The following TFEB variants were observed in gnomAD, a reference collection of about 807,000 sequenced individuals.
TFEB encodes the protein transcription factor EB, also known as T-cell transcription factor EB.
In TFEB, 12 loss-of-function variants were observed where a neutral mutation model predicts 48.0. That is an observed-to-expected ratio of 0.25 (90% CI 0.16 to 0.40). The LOEUF (loss-of-function observed/expected upper bound fraction) is 0.40. Ranked by LOEUF, TFEB falls within the 10% of genes least tolerant of loss-of-function variation. The probability of loss-of-function intolerance (pLI) is 1.00; values close to 1 mark genes in which losing one functional copy is unlikely to be tolerated. For missense variants in TFEB, 509 were observed against 640.3 expected (o/e 0.79, Z 2.21); for synonymous variants, 244 against 261.4 (o/e 0.93, Z 0.64).
chr6:41,715,218 G>A lies in TFEB; in HGVS notation c.-23+20132C>T, dbSNP rs112614223. 4.6e-4 allele frequency among the ~76,000 whole-genome samples: 70 copies of A among 152,240 alleles called. 3 individuals are homozygous for A. Among genetic ancestry groups the A allele is most frequent in the African/African-American group, 1.6e-3 (66 of 41,524 alleles). Reference sequence around the variant, plus strand: ...CTCTCCATGTTGCGGAAGTCTGGAGGAAGCAGGGAGTATGTGCGGACCACA... The same window carrying A: ...CTCTCCATGTTGCGGAAGTCTGGAGAAAGCAGGGAGTATGTGCGGACCACA... On this transcript the variant is annotated intron_variant, in intron 1 of 8. Coordinates refer to ENST00000373033, the MANE Select transcript of TFEB (RefSeq NM_001271944.2).
intron 1 of TFEB, chr6:41,733,845 T>G: frequency 2.0e-6 from 2 of 985,508 alleles, no homozygotes; most frequent in Non-Finnish European, 2.4e-6. Flanking sequence ...ACCGAGCGCA[T>G]CCGCATCTGT....
At chr6:41,717,431 T>C (rs1042228604) in intron 1 of TFEB, among the ~76,000 whole-genome samples, 7 of 152,206 alleles carry the variant, frequency 4.6e-5, no homozygotes, top group African/African-American at 1.7e-4. Flanking sequence ...AGCACGTTCA[T>C]GTATGATATC....
chr6:41,727,066 G>A (rs989967375), intron 1 of TFEB, among the ~76,000 whole-genome samples: 4 of 152,042 alleles, frequency 2.6e-5, no homozygotes, highest in Non-Finnish European at 4.4e-5. Flanking sequence ...CCGCCACCCC[G>A]CCCAGGATGT....
chr6:41,731,851 G>T (rs1254113369), intron 1 of TFEB, among the ~76,000 whole-genome samples: 1 of 152,124 alleles, frequency 6.6e-6, no homozygotes, highest in Non-Finnish European at 1.5e-5. Flanking sequence ...TCCCTTCCTG[G>T]GTGTCTGGGG....
At chr6:41,698,066 A>C (rs1769702986) in intron 1 of TFEB, among the ~76,000 whole-genome samples, 1 of 152,258 alleles carries the variant, frequency 6.6e-6, no homozygotes, top group South Asian at 2.1e-4. Context: ...GCTAACAGCT[A>C]ATGCTCATAG....
At chr6:41,709,406 C>T (rs1322695200) in intron 1 of TFEB, among the ~76,000 whole-genome samples, 1 of 152,166 alleles carries the variant, frequency 6.6e-6, no homozygotes, top group African/African-American at 2.4e-5. Context: ...TAATGCAGTA[C>T]CTGGCACAGG....
chr6:41,684,504 C>G lies in TFEB; in HGVS notation c.*95G>C. 1 of 1,422,198 alleles carries G rather than the reference C, an allele frequency of 7.0e-7. No individual in the cohort carries two copies. Among genetic ancestry groups the G allele is most frequent in the Non-Finnish European group, 9.2e-7 (1 of 1,082,868 alleles). The allele number at this position is 1,422,198 out of a possible 1,614,324, so 88.1% of individuals were successfully genotyped here. On this transcript the variant is annotated 3_prime_UTR_variant, in exon 9 of 9. Transcript: ENST00000373033. ...AGGGAGGCAGGGCAGGTGGCTACTT[C>G]ACACACAGTGCAGCCTGAAGGGTGG...
Position 41,684,607 on chromosome 6 carries a change from C to T in TFEB, c.1423G>A (p.Val475Met), listed in dbSNP as rs1768887691. ...CACAGGGGCAGCCAGGGTCACAGCA[C>T]ATCGCCCTCCTCCATGCTGAAGCTG... The part of the protein sequence containing the change: ...RSSFSMEEGD[V>M]L Residue 475 changes from valine (V) to methionine (M), a missense_variant, in exon 9 of 9, where the codon GTG becomes ATG. Physicochemically the swap from Val to Met is conservative, Grantham distance 21. Coordinates refer to ENST00000373033, the MANE Select transcript of TFEB (RefSeq NM_001271944.2). 6.3e-7 allele frequency: 1 copy of T among 1,581,528 alleles called. No homozygotes were observed. The highest frequency in any genetic ancestry group is 8.6e-7 in the Non-Finnish European group (1 of 1,164,406).
intron 6 of TFEB, 40 bp downstream of exon 6, chr6:41,687,713 A>C: frequency 6.2e-7 from 1 of 1,613,554 alleles, no homozygotes; most frequent in Non-Finnish European, 8.5e-7. Flanking sequence ...GGTGAGAACA[A>C]GGAAGAGGGA....
In TFEB at chr6:41,734,330, G is replaced by A. The variant is rs1305216084; in HGVS notation, c.-23+1020C>T. Reference sequence around the variant, plus strand: ...TTCCTCACCCGGGGCGCGGGGCTGGGGCGCGCCAGGCGGCTGCGGCGCGAA... The same window carrying A: ...TTCCTCACCCGGGGCGCGGGGCTGGAGCGCGCCAGGCGGCTGCGGCGCGAA... On this transcript the variant is annotated intron_variant, in intron 1 of 8. Coordinates refer to ENST00000373033, the MANE Select transcript of TFEB (RefSeq NM_001271944.2). The surrounding 1 kb of genome is among the most constrained non-coding windows in gnomAD (Gnocchi z 4.0). 1.0e-6 allele frequency: 1 copy of A among 984,212 alleles called. No individual in the cohort carries two copies. Among genetic ancestry groups the A allele is most frequent in the Non-Finnish European group, 1.2e-6 (1 of 829,260 alleles). The allele number at this position is 984,212 out of a possible 1,614,324, so 61.0% of individuals were successfully genotyped here.
intron 1 of TFEB, among the ~76,000 whole-genome samples, chr6:41,712,506 C>G (rs994592261): frequency 6.6e-6 from 1 of 152,142 alleles, no homozygotes; most frequent in Non-Finnish European, 1.5e-5. Flanking sequence ...GTTTCCTCCT[C>G]GGAGAACAGG....
chr6:41,700,870 C>T (rs1412537913), intron 1 of TFEB, among the ~76,000 whole-genome samples: 1 of 152,170 alleles, frequency 6.6e-6, no homozygotes, highest in Admixed American at 6.5e-5. Flanking sequence ...ACTGTTGGCC[C>T]GGGACAACAG....
chr6:41,691,921 G>A lies in TFEB; in HGVS notation c.-22-686C>T, dbSNP rs1769340252. The stretch of plus-strand genomic sequence containing the variant: ...ATCCTCCAGGCACTTTGAAATCCCC[G>A]AAACATCCCAGGCATGCCCCCACCT... On this transcript the variant is annotated intron_variant, in intron 1 of 8. Coordinates refer to ENST00000373033, the MANE Select transcript of TFEB (RefSeq NM_001271944.2). The surrounding 1 kb of genome is among the most constrained non-coding windows in gnomAD (Gnocchi z 5.2). Among the ~76,000 whole-genome samples the A allele has an allele frequency of 1.3e-5, 2 of 151,892 alleles. No homozygotes were observed. The highest frequency in any genetic ancestry group is 2.1e-4 in the South Asian group (1 of 4,816).
intron 1 of TFEB, chr6:41,732,932 G>A (rs572163018): frequency 1.8e-5 from 18 of 985,380 alleles, no homozygotes; most frequent in Non-Finnish European, 2.0e-5. Context: ...TGGTTTTCAT[G>A]ACAGCTGTGG....
rs1768991649 is a variant in TFEB at position 41,686,165 on chromosome 6, C to G, written c.876G>C (p.Leu292=). 2 of 1,614,146 alleles carry G rather than the reference C, an allele frequency of 1.2e-6. No homozygotes were observed. Among genetic ancestry groups the G allele is most frequent in the Non-Finnish European group, 1.7e-6 (2 of 1,180,056 alleles). The stretch of plus-strand genomic sequence containing the variant: ...GGTTCTCCAGCTCCCTGGACTTTTG[C>G]AGGTCCTTCTGCATCCTCCGGATGT... ...VDYIRRMQKD[L]QKSRELENHS... is the part of the protein sequence containing the mutation. The change falls in exon 8 of 9, where the codon CTG becomes CTC. Residue 292 remains leucine, a synonymous_variant. Coordinates refer to ENST00000373033, the MANE Select transcript of TFEB (RefSeq NM_001271944.2).
At chr6:41,722,630 G>T (rs1215608553) in intron 1 of TFEB, among the ~76,000 whole-genome samples, 1 of 152,244 alleles carries the variant, frequency 6.6e-6, no homozygotes, top group East Asian at 1.9e-4. Flanking sequence ...TGGGGTGACT[G>T]AGGGTGAAGG....
chr6:41,717,872 G>A (rs1770805286), intron 1 of TFEB, among the ~76,000 whole-genome samples: 1 of 152,164 alleles, frequency 6.6e-6, no homozygotes, highest in South Asian at 2.1e-4. Context: ...CCCTTCCTAA[G>A]TTTCATTCCA....
At chr6:41,718,369 C>T (rs1356014600) in intron 1 of TFEB, among the ~76,000 whole-genome samples, 2 of 151,208 alleles carry the variant, frequency 1.3e-5, no homozygotes, top group African/African-American at 2.4e-5. Flanking sequence ...TCATCACACC[C>T]GGATAATTTT....
rs370824879 is a variant in TFEB, at chr6:41,690,815, C to T, written c.316G>A (p.Ala106Thr). ...LSETYGNKFA[A>T]HISPAQGSPK... ...GAGCCCTGGGCTGGGCTGATGTGGG[C>T]AGCAAACTTGTTCCCATAGGTCTCG... The change falls in exon 3 of 9, where the codon GCC (alanine) becomes ACC (threonine). Residue 106 changes from alanine to threonine, a missense_variant. Ala to Thr is a moderately conservative substitution (Grantham distance 58). Coordinates refer to ENST00000373033, the MANE Select transcript of TFEB (RefSeq NM_001271944.2). 34 of 1,613,132 alleles carry T rather than the reference C, an allele frequency of 2.1e-5. No homozygotes were observed. Among genetic ancestry groups the T allele is most frequent in the Non-Finnish European group, 2.9e-5 (34 of 1,179,640 alleles).
Sources: gnomAD v4.1 joint callset for allele counts (sites outside exome capture counted in the v4.1 genomes callset) on GRCh38, gnomAD v4.1.1 for gene constraint, Gnocchi (gnomAD v3.1) non-coding constraint, MANE v1.5 for transcripts, NCBI Gene and HGNC (gene_info 2026-07-23, HGNC 2026-07-21) for gene names.